Variants in DAB2IP observed in about 807,000 individuals in gnomAD.
DAB2IP encodes disabled homolog 2-interacting protein.
A neutral mutation model predicts 107.2 loss-of-function variants in DAB2IP; 28 were observed. The observed-to-expected ratio is 0.26, with a 90% CI of 0.19 to 0.36. DAB2IP has a LOEUF of 0.36. Ranked by LOEUF, DAB2IP falls within the 10% of genes least tolerant of loss-of-function variation. DAB2IP has a pLI of 1.00. For missense variants in DAB2IP, 1,400 were observed against 1,644.7 expected, an observed-to-expected ratio of 0.85 and a Z score of 2.57; for synonymous variants, 755 against 706.4, an observed-to-expected ratio of 1.07 and a Z score of -1.09.
intron 3 of DAB2IP, among the ~76,000 whole-genome samples, chr9:121,706,586 C>G (rs749908734): frequency 7.2e-5 from 11 of 152,204 alleles, no homozygotes; most frequent in Non-Finnish European, 2.9e-5. Flanking sequence ...CCTCTCTGCC[C>G]CTCCTTCCAC....
chr9:121,709,115 A>G (rs957121098), intron 3 of DAB2IP, among the ~76,000 whole-genome samples: 21 of 152,264 alleles, frequency 1.4e-4, no homozygotes, highest in Admixed American at 2.6e-4. Context: ...AGCTCCACCA[A>G]CTGCTTCCCT....
chr9:121,607,407 A>G (rs551351147), intron 1 of DAB2IP, among the ~76,000 whole-genome samples: 18 of 152,180 alleles, frequency 1.2e-4, no homozygotes, highest in African/African-American at 3.6e-4. Context: ...GGCTCAAGCA[A>G]TCCTCCCATC....
chr9:121,601,628 TTGAG>T (rs1214847122), intron 1 of DAB2IP, among the ~76,000 whole-genome samples: 1 of 152,204 alleles, frequency 6.6e-6, no homozygotes, highest in Non-Finnish European at 1.5e-5. Context: ...GCACTATTTA[TTGAG>T]TGTTTATTAT....
At chr9:121,704,878 T>C (rs1334750346) in intron 3 of DAB2IP, among the ~76,000 whole-genome samples, 2 of 152,180 alleles carry the variant, frequency 1.3e-5, no homozygotes, top group Non-Finnish European at 2.9e-5. Flanking sequence ...GGCATGGAGC[T>C]GGGGCCTATG....
chr9:121,773,824 G>A (rs1834966539), intron 12 of DAB2IP, among the ~76,000 whole-genome samples: 1 of 152,102 alleles, frequency 6.6e-6, no homozygotes, highest in Non-Finnish European at 1.5e-5. Flanking sequence ...GCCCCCACAC[G>A]CCCCTCCCAA....
chr9:121,726,154 C>T (rs909245245), intron 3 of DAB2IP, among the ~76,000 whole-genome samples: 22 of 152,188 alleles, frequency 1.4e-4, no homozygotes, highest in Non-Finnish European at 2.6e-4. Context: ...ACCCCACAGC[C>T]CCTGGGGCAG....
intron 2 of DAB2IP, among the ~76,000 whole-genome samples, chr9:121,695,238 C>A (rs1829363315): frequency 6.6e-6 from 1 of 152,208 alleles, no homozygotes; most frequent in South Asian, 2.1e-4. Flanking sequence ...GTCCCTGTCC[C>A]CCTGCCGGGC....
At chr9:121,724,498 A>G (rs1831118253) in intron 3 of DAB2IP, among the ~76,000 whole-genome samples, 1 of 152,126 alleles carries the variant, frequency 6.6e-6, no homozygotes, top group Non-Finnish European at 1.5e-5. Context: ...TGTTGAGTTC[A>G]CCTGATGTTG....
intron 1 of DAB2IP, among the ~76,000 whole-genome samples, chr9:121,571,835 C>T (rs534017315): frequency 4.3e-4 from 65 of 152,086 alleles, no homozygotes; most frequent in African/African-American, 1.4e-3. Flanking sequence ...ACAGCTGCAG[C>T]GAGGAGCAGA....
intron 14 of DAB2IP, among the ~76,000 whole-genome samples, chr9:121,777,222 C>T (rs1835267537): frequency 6.6e-6 from 1 of 152,170 alleles, no homozygotes; most frequent in Admixed American, 6.5e-5. Flanking sequence ...AAGACCCCAT[C>T]AGCTGGACAG....
chr9:121,764,385 C>T (rs1834117026), intron 8 of DAB2IP, among the ~76,000 whole-genome samples: 1 of 152,234 alleles, frequency 6.6e-6, no homozygotes, highest in African/African-American at 2.4e-5. Context: ...GCAGACTCTG[C>T]CAGCCCCAGA....
intron 1 of DAB2IP, among the ~76,000 whole-genome samples, chr9:121,604,587 C>A (rs950906847): frequency 1.3e-5 from 2 of 152,182 alleles, no homozygotes; most frequent in African/African-American, 4.8e-5. Flanking sequence ...ATGCCCTTTT[C>A]TCTCTGCCAC....
intron 3 of DAB2IP, among the ~76,000 whole-genome samples, chr9:121,723,680 G>A (rs984390301): frequency 3.3e-5 from 5 of 152,234 alleles, no homozygotes; most frequent in Admixed American, 6.5e-5. Flanking sequence ...GACACTTGGA[G>A]CTGTTGTTTC....
At chr9:121,624,120 A>G (rs1831563871) in intron 1 of DAB2IP, among the ~76,000 whole-genome samples, 1 of 152,136 alleles carries the variant, frequency 6.6e-6, no homozygotes, top group Admixed American at 6.5e-5. Context: ...CCATCTCACT[A>G]CCTACCTGTG....
At chr9:121,667,712 G>A (rs1362130798) in intron 1 of DAB2IP, among the ~76,000 whole-genome samples, 3 of 151,282 alleles carry the variant, frequency 2.0e-5, no homozygotes, top group African/African-American at 7.3e-5. Context: ...TGGCCAGGCT[G>A]GTCTTGAACT....
intron 3 of DAB2IP, among the ~76,000 whole-genome samples, chr9:121,743,178 A>C (rs1015687029): frequency 2.9e-4 from 44 of 152,306 alleles, no homozygotes; most frequent in African/African-American, 1.0e-3. Context: ...GGGCAATGGT[A>C]ATGCCTGTCT....
At chr9:121,774,948 G>A (rs1321304796) in intron 13 of DAB2IP, among the ~76,000 whole-genome samples, 5 of 152,156 alleles carry the variant, frequency 3.3e-5, no homozygotes, top group African/African-American at 1.2e-4. Flanking sequence ...CAGCTTGGGG[G>A]GTGGGGTCAG....
intron 14 of DAB2IP, among the ~76,000 whole-genome samples, chr9:121,779,519 G>C (rs908330983): frequency 1.3e-5 from 2 of 152,210 alleles, no homozygotes; most frequent in African/African-American, 4.8e-5. Context: ...TATTCTGGGA[G>C]ACAGTGAGGT....
intron 1 of DAB2IP, among the ~76,000 whole-genome samples, chr9:121,676,352 C>A (rs184262367): frequency 1.5e-4 from 23 of 152,276 alleles, no homozygotes; most frequent in Admixed American, 1.3e-3. Flanking sequence ...TGTGTGTGTG[C>A]GCACGTCCCC....
Sources: gnomAD v4.1 joint callset for allele counts (sites outside exome capture counted in the v4.1 genomes callset) on GRCh38, gnomAD v4.1.1 for gene constraint, MANE v1.5 for transcripts, NCBI Gene and HGNC (gene_info 2026-07-23, HGNC 2026-07-21) for gene names.